Variants in GRM5 observed in about 807,000 individuals in gnomAD.
GRM5 encodes the protein metabotropic glutamate receptor 5.
Under a neutral mutation model 83.1 loss-of-function variants are expected in GRM5, and 19 were observed. The observed-to-expected ratio is 0.23, with a 90% CI of 0.16 to 0.34. GRM5 has a LOEUF of 0.34. Ranked by LOEUF, GRM5 falls within the 10% of genes least tolerant of loss-of-function variation. The pLI, the probability that GRM5 is intolerant of heterozygous loss-of-function variation, is 1.00. For synonymous variants in GRM5, 675 were observed against 633.6 expected, an observed-to-expected ratio of 1.07 and a Z score of -0.98; for missense variants, 1,160 against 1,588.3, an observed-to-expected ratio of 0.73 and a Z score of 4.58.
chr11:89,007,629 G>A (rs983149022), intron 2 of GRM5, among the ~76,000 whole-genome samples: 2 of 152,286 alleles, frequency 1.3e-5, no homozygotes, highest in South Asian at 2.1e-4. Context: ...TAGGTCATAC[G>A]GGTTTTATCC....
intron 2 of GRM5, among the ~76,000 whole-genome samples, chr11:88,923,609 T>C (rs1477578472): frequency 1.3e-5 from 2 of 151,986 alleles, no homozygotes; most frequent in Non-Finnish European, 2.9e-5. Context: ...TATAGTTAGA[T>C]AGAATGAATA....
chr11:88,761,554 G>A (rs184081763), intron 3 of GRM5, among the ~76,000 whole-genome samples: 1 of 152,136 alleles, frequency 6.6e-6, no homozygotes, highest in East Asian at 1.9e-4. Context: ...AATCAGAGAT[G>A]ACACAAACAA....
intron 2 of GRM5, among the ~76,000 whole-genome samples, chr11:88,983,268 C>G (rs1196674532): frequency 2.0e-5 from 3 of 152,172 alleles, no homozygotes; most frequent in African/African-American, 7.2e-5. Context: ...TACTACTTTA[C>G]ATTCACACAC....
intron 9 of GRM5, among the ~76,000 whole-genome samples, chr11:88,514,347 T>A (rs1510603): frequency 6.6e-6 from 1 of 152,098 alleles, no homozygotes; most frequent in African/African-American, 2.4e-5. Flanking sequence ...ACACTTTCTA[T>A]CTTTATTCTC....
chr11:88,819,817 C>T (rs1191202568), intron 3 of GRM5, among the ~76,000 whole-genome samples: 1 of 152,242 alleles, frequency 6.6e-6, no homozygotes, highest in African/African-American at 2.4e-5. Flanking sequence ...ATCTGGCAAG[C>T]ACTTTCTTGC....
chr11:88,881,780 A>C (rs1470301459), intron 2 of GRM5, among the ~76,000 whole-genome samples: 4 of 152,342 alleles, frequency 2.6e-5, no homozygotes, highest in Non-Finnish European at 5.9e-5. Flanking sequence ...CAAAACAGAA[A>C]AAAAAATCCT....
At chr11:88,530,199 C>T (rs1358426267) in intron 8 of GRM5, among the ~76,000 whole-genome samples, 1 of 151,984 alleles carries the variant, frequency 6.6e-6, no homozygotes, top group African/African-American at 2.4e-5. Flanking sequence ...TCCCTTAAAA[C>T]ATTTACTGGA....
At chr11:89,048,514 G>T (rs1941690319) in intron 1 of GRM5, among the ~76,000 whole-genome samples, 1 of 152,122 alleles carries the variant, frequency 6.6e-6, no homozygotes, top group Non-Finnish European at 1.5e-5. Context: ...CTTTTCTTTT[G>T]AAATCTTTAG....
At chr11:88,611,352 T>G (rs1430723809) in intron 4 of GRM5, among the ~76,000 whole-genome samples, 1 of 152,198 alleles carries the variant, frequency 6.6e-6, no homozygotes, top group East Asian at 1.9e-4. Flanking sequence ...CCCAGGACAT[T>G]TTTTGGCTGG....
At chr11:88,883,138 G>A (rs1321866335) in intron 2 of GRM5, among the ~76,000 whole-genome samples, 5 of 152,136 alleles carry the variant, frequency 3.3e-5, no homozygotes, top group Admixed American at 2.6e-4. Context: ...AACTGGTACT[G>A]GTTGAGTGAG....
intron 2 of GRM5, among the ~76,000 whole-genome samples, chr11:88,934,172 C>T (rs1308734307): frequency 6.6e-6 from 1 of 151,682 alleles, no homozygotes; most frequent in Non-Finnish European, 1.5e-5. Flanking sequence ...TTACTAGAGG[C>T]CTTCTTCTTG....
intron 3 of GRM5, among the ~76,000 whole-genome samples, chr11:88,843,957 C>T (rs663792): frequency 0.022 from 3,275 of 152,264 alleles, 75 homozygotes; most frequent in South Asian, 0.055. Context: ...GGTTATTTCA[C>T]GAGGTTGAAG....
chr11:88,881,172 A>T (rs1358415850), intron 2 of GRM5, among the ~76,000 whole-genome samples: 2 of 152,070 alleles, frequency 1.3e-5, no homozygotes, highest in Non-Finnish European at 2.9e-5. Context: ...ATTAAAAATA[A>T]GACTGTGTTA....
At chr11:88,524,789 C>T (rs1416665589) in intron 9 of GRM5, among the ~76,000 whole-genome samples, 1 of 152,158 alleles carries the variant, frequency 6.6e-6, no homozygotes, top group African/African-American at 2.4e-5. Context: ...CTCTACAGTC[C>T]ACTAGTTTGG....
At chr11:88,766,714 A>G (rs1565220884) in intron 3 of GRM5, among the ~76,000 whole-genome samples, 1 of 152,088 alleles carries the variant, frequency 6.6e-6, no homozygotes, top group Non-Finnish European at 1.5e-5. Context: ...TTCTAGTTAA[A>G]CTAAATAGCA....
chr11:88,868,487 A>T (rs570415184), intron 2 of GRM5, among the ~76,000 whole-genome samples: 24 of 151,858 alleles, frequency 1.6e-4, no homozygotes, highest in Non-Finnish European at 3.1e-4. Flanking sequence ...AGTATTTTTT[A>T]ATATTAATTA....
intron 4 of GRM5, among the ~76,000 whole-genome samples, chr11:88,608,374 C>A (rs965052093): frequency 6.6e-6 from 1 of 152,112 alleles, no homozygotes; most frequent in South Asian, 2.1e-4. Context: ...TACCTCCCCC[C>A]ACCAACACTC....
At chr11:88,620,343 G>A (rs1273730386) in intron 4 of GRM5, among the ~76,000 whole-genome samples, 2 of 152,150 alleles carry the variant, frequency 1.3e-5, no homozygotes, top group African/African-American at 4.8e-5. Context: ...ACATATCATG[G>A]GATTCAGAGA....
At chr11:88,813,536 T>C (rs13377362) in intron 3 of GRM5, among the ~76,000 whole-genome samples, 3,878 of 152,266 alleles carry the variant, frequency 0.025, 174 homozygotes, top group African/African-American at 0.089. Flanking sequence ...TTGGGGCTCA[T>C]GTTAGTGGAA....
Sources: gnomAD v4.1 joint callset for allele counts (sites outside exome capture counted in the v4.1 genomes callset) on GRCh38, gnomAD v4.1.1 for gene constraint, MANE v1.5 for transcripts, NCBI Gene and HGNC (gene_info 2026-07-23, HGNC 2026-07-21) for gene names.